Variants in RAD51B observed in about 807,000 individuals in gnomAD.
RAD51B encodes the protein DNA repair protein RAD51 homolog 2.
RAD51B carries 38 observed loss-of-function variants against 42.2 expected under a neutral mutation model. The observed-to-expected ratio is 0.90, with a 90% CI of 0.70 to 1.18. RAD51B has a LOEUF of 1.18. Among genes scored for constraint, RAD51B ranks in the 50% most tolerant of loss-of-function variants. RAD51B has a pLI of 0.00. For missense variants in RAD51B, 373 were observed against 400.7 expected (o/e 0.93, Z 0.59); for synonymous variants, 154 against 145.2 (o/e 1.06, Z -0.43).
intron 7 of RAD51B, among the ~76,000 whole-genome samples, chr14:68,149,337 A>G (rs1041585536): frequency 6.6e-6 from 1 of 152,244 alleles, no homozygotes; most frequent in East Asian, 1.9e-4. Context: ...TTTGCATTGT[A>G]TATTTACTTC....
intron 7 of RAD51B, among the ~76,000 whole-genome samples, chr14:68,104,112 G>A (rs2077337360): frequency 6.6e-6 from 1 of 152,214 alleles, no homozygotes; most frequent in Non-Finnish European, 1.5e-5. Flanking sequence ...TACACAGAGT[G>A]AGAGAGTATA....
chr14:68,322,825 G>T (rs1430022541), intron 8 of RAD51B, among the ~76,000 whole-genome samples: 1 of 152,180 alleles, frequency 6.6e-6, no homozygotes. Flanking sequence ...ACTGGGATTT[G>T]ACTGTGAGGT....
intron 5 of RAD51B, among the ~76,000 whole-genome samples, chr14:67,871,491 C>T (rs1280665962): frequency 6.6e-6 from 1 of 152,106 alleles, no homozygotes; most frequent in Non-Finnish European, 1.5e-5. Flanking sequence ...GATTCACAGC[C>T]GAATTCTACC....
At chr14:68,369,840 T>A (rs1173218460) in intron 8 of RAD51B, among the ~76,000 whole-genome samples, 2 of 152,182 alleles carry the variant, frequency 1.3e-5, no homozygotes, top group African/African-American at 4.8e-5. Flanking sequence ...TATATATCTA[T>A]ATCTGTCTAT....
At chr14:67,983,658 C>A (rs2075133721) in intron 7 of RAD51B, among the ~76,000 whole-genome samples, 1 of 151,988 alleles carries the variant, frequency 6.6e-6, no homozygotes, top group Non-Finnish European at 1.5e-5. Context: ...AGTGATTTAC[C>A]TAAGATGAGC....
At chr14:68,258,407 C>CCA (rs368278669) in intron 7 of RAD51B, among the ~76,000 whole-genome samples, 2,939 of 146,986 alleles carry the variant, frequency 0.02, 45 homozygotes, top group Middle Eastern at 0.031. Flanking sequence ...TACACACACA[C>CCA]CACACACACA....
rs1230190130 is a variant in RAD51B at position 68,565,597 on chromosome 14, G to C, written c.1037-28888G>C. On this transcript the variant is annotated intron_variant, in intron 10 of 10. Transcript: ENST00000487270. This position sits in a 1 kb window ranked among gnomAD's most constrained non-coding sequence, Gnocchi z 4.1. ...TTCTCAAGAGCTGGGAAGAAGTATA[G>C]CCAGATTTCAATACCAGGGAGAGCA... Among the ~76,000 whole-genome samples the C allele has an allele frequency of 6.6e-6, 1 of 152,186 alleles. No homozygotes were observed. Among genetic ancestry groups the C allele is most frequent in the East Asian group, 1.9e-4 (1 of 5,200 alleles).
At chr14:68,471,569 A>C (rs569994864) in intron 10 of RAD51B, among the ~76,000 whole-genome samples, 1 of 152,054 alleles carries the variant, frequency 6.6e-6, no homozygotes, top group East Asian at 1.9e-4. Context: ...AGGACAATAA[A>C]GCGGCAGGCT....
At chr14:68,081,534 A>G (rs1480091089) in intron 7 of RAD51B, among the ~76,000 whole-genome samples, 1 of 152,258 alleles carries the variant, frequency 6.6e-6, no homozygotes, top group Non-Finnish European at 1.5e-5. Context: ...TTCTGTGTTT[A>G]TATGTACTTC....
chr14:68,167,599 T>C (rs2140845757), intron 7 of RAD51B, among the ~76,000 whole-genome samples: 1 of 152,284 alleles, frequency 6.6e-6, no homozygotes, highest in African/African-American at 2.4e-5. Context: ...CCTCAAGTTC[T>C]ACTCCCTTTT....
exon 11 of RAD51B, chr14:68,594,845 G>A (rs1303582352): frequency 8.4e-7 from 1 of 1,186,322 alleles, no homozygotes; most frequent in African/African-American, 1.5e-5. Flanking sequence ...CCCCTCCCCA[G>A]ACCAAATGTC....
intron 7 of RAD51B, among the ~76,000 whole-genome samples, chr14:68,103,142 G>T (rs1013816893): frequency 2.0e-5 from 3 of 152,122 alleles, no homozygotes; most frequent in African/African-American, 7.2e-5. Flanking sequence ...AAAGATTTGG[G>T]TGGGCACACA....
At chr14:68,487,066 G>A (rs187010992) in intron 10 of RAD51B, among the ~76,000 whole-genome samples, 140 of 152,352 alleles carry the variant, frequency 9.2e-4, no homozygotes, top group Non-Finnish European at 1.7e-3. Flanking sequence ...TGAAAAGGCA[G>A]AGGGCACATG....
chr14:68,675,697 G>A (rs1286100975), intron 11 of RAD51B, among the ~76,000 whole-genome samples: 1 of 152,220 alleles, frequency 6.6e-6, no homozygotes, highest in Non-Finnish European at 1.5e-5. Context: ...GGTAGATACT[G>A]GGGGACTCCA....
intron 9 of RAD51B, among the ~76,000 whole-genome samples, chr14:68,416,579 G>A (rs1181038277): frequency 3.9e-5 from 6 of 152,186 alleles, no homozygotes; most frequent in East Asian, 1.9e-4. Flanking sequence ...TCATTCTTCC[G>A]CATAGAAATT....
intron 8 of RAD51B, among the ~76,000 whole-genome samples, chr14:68,383,748 C>T (rs1158188132): frequency 1.3e-5 from 2 of 152,136 alleles, no homozygotes; most frequent in African/African-American, 4.8e-5. Flanking sequence ...TTCACCTGTG[C>T]ATTCTGCTGC....
intron 5 of RAD51B, among the ~76,000 whole-genome samples, chr14:67,871,423 T>A (rs1299464692): frequency 6.6e-6 from 1 of 152,020 alleles, no homozygotes; most frequent in Non-Finnish European, 1.5e-5. Context: ...AATAACAGGG[T>A]CTGAAATTGT....
intron 7 of RAD51B, among the ~76,000 whole-genome samples, chr14:68,160,350 T>C (rs540669552): frequency 1.3e-4 from 20 of 152,310 alleles, no homozygotes; most frequent in South Asian, 8.3e-4. Flanking sequence ...GAGCTGGAAC[T>C]TGAACCTGAG....
At chr14:67,861,251 A>G (rs141132277) in intron 4 of RAD51B, among the ~76,000 whole-genome samples, 21 of 152,276 alleles carry the variant, frequency 1.4e-4, no homozygotes, top group African/African-American at 4.6e-4. Context: ...AGTGTACTCT[A>G]TAATGAGATG....
Sources: gnomAD v4.1 joint callset for allele counts (sites outside exome capture counted in the v4.1 genomes callset) on GRCh38, gnomAD v4.1.1 for gene constraint, Gnocchi (gnomAD v3.1) non-coding constraint, MANE v1.5 for transcripts, NCBI Gene and HGNC (gene_info 2026-07-23, HGNC 2026-07-21) for gene names.